SLC2A9: variants seen among roughly 807,000 people sequenced by gnomAD.
The protein encoded by SLC2A9 is solute carrier family 2, facilitated glucose transporter member 9.
A neutral mutation model predicts 50.6 loss-of-function variants in SLC2A9; 39 were observed. The ratio of observed to expected loss-of-function variants is 0.77; its 90% CI spans 0.60 to 1.01. The LOEUF is 1.01. SLC2A9 is among the 50% of genes least tolerant of loss of function. The pLI is 0.00. For synonymous variants in SLC2A9, 324 were observed against 276.9 expected (o/e 1.17, Z -1.69); for missense variants, 686 against 677.6 (o/e 1.01, Z -0.14).
intron 3 of SLC2A9, among the ~76,000 whole-genome samples, chr4:9,993,161 C>T (rs185651480): frequency 5.9e-5 from 9 of 152,318 alleles, no homozygotes; most frequent in South Asian, 2.1e-4. Context: ...AATATGGTTA[C>T]GTGGCTTGTC....
intron 7 of SLC2A9, among the ~76,000 whole-genome samples, chr4:9,910,752 T>C (rs1741595313): frequency 6.6e-6 from 1 of 152,126 alleles, no homozygotes; most frequent in African/African-American, 2.4e-5. Flanking sequence ...ATTCTCCCCA[T>C]AGAGACACTG....
At chr4:9,824,703 G>A (rs1187836854), downstream of SLC2A9, among the ~76,000 whole-genome samples, 1 of 152,182 alleles carries the variant, frequency 6.6e-6, no homozygotes, top group Non-Finnish European at 1.5e-5. Flanking sequence ...TCTTTAGTAT[G>A]TAGCTAGTGC....
chr4:9,942,144 T>C, intron 5 of SLC2A9, 99 bp from the exon 6 acceptor site: 1 of 1,438,578 alleles, frequency 7.0e-7, no homozygotes, highest in Non-Finnish European at 9.7e-7. Flanking sequence ...CAGAAGGTCT[T>C]CCTGCCCAGC....
intron 10 of SLC2A9, chr4:9,880,353 C>T: frequency 1.0e-6 from 1 of 985,574 alleles, no homozygotes; most frequent in Non-Finnish European, 1.2e-6. Context: ...AAGCGGAGGG[C>T]AGGGGCTGAC....
At chr4:9,825,344 T>C (rs1018062451), downstream of SLC2A9, among the ~76,000 whole-genome samples, 10 of 152,304 alleles carry the variant, frequency 6.6e-5, no homozygotes, top group Admixed American at 6.5e-4. Flanking sequence ...ACAGATTTTC[T>C]TAGCAACAGT....
chr4:9,913,330 T>TGTGTGAGA (rs1491090035), intron 7 of SLC2A9, among the ~76,000 whole-genome samples: 4 of 88,810 alleles, frequency 4.5e-5, no homozygotes, highest in South Asian at 3.4e-4. Context: ...TGTGTGTGTG[T>TGTGTGAGA]GAGAGAGAGA....
chr4:9,996,822 C>T lies in SLC2A9; in HGVS notation c.369G>A (p.Val123=). Residue 123 remains valine, a synonymous_variant, in exon 3 of 12, where the codon GTG becomes GTA. Transcript: ENST00000264784. The stretch of plus-strand genomic sequence containing the variant: ...CAATCATCTTCACAATTAACGTCCC[C>T]ACAAGTCCACCGATGGCGAATATGG... The part of the protein sequence containing the change: ...TVSIFAIGGL[V]GTLIVKMIGK... 1 of 1,614,116 alleles carries T rather than the reference C, an allele frequency of 6.2e-7. No individual in the cohort carries two copies.
chr4:9,791,187 C>G (rs189941972), intron 3 of SLC2A9, among the ~76,000 whole-genome samples: 3 of 151,908 alleles, frequency 2.0e-5, no homozygotes, highest in Non-Finnish European at 2.9e-5. Flanking sequence ...AATGGGAATG[C>G]AAAATAAATA....
chr4:10,019,131 G>T (rs1020290036), intron 1 of SLC2A9, 58 bp from the exon 2 acceptor site: 23 of 1,408,412 alleles, frequency 1.6e-5, no homozygotes, highest in Non-Finnish European at 2.3e-5. Context: ...AGGGCCGAGG[G>T]AAGACCTGGA....
intron 5 of SLC2A9, among the ~76,000 whole-genome samples, chr4:9,963,849 T>C (rs1428716664): frequency 6.6e-6 from 1 of 152,218 alleles, no homozygotes; most frequent in Admixed American, 6.5e-5. Context: ...ATGAAGATTC[T>C]TGGGGAACCA....
chr4:9,930,574 G>A lies in SLC2A9; in HGVS notation c.815-10002C>T, dbSNP rs1745726154. 2.0e-5 allele frequency among the ~76,000 whole-genome samples: 3 copies of A among 152,342 alleles called. No homozygotes were observed. In the South Asian group the frequency reaches 6.2e-4, roughly 32 times the overall value. ...GGCAGATGCTTCATGGAAGAGGTTG[G>A]TTTTCCTCTGGGTCTAGAATGCAGA... On this transcript the variant is annotated intron_variant, in intron 6 of 11. Coordinates refer to ENST00000264784, the MANE Select transcript of SLC2A9 (RefSeq NM_020041.3).
At position 9,934,728 on chromosome 4, in the gene SLC2A9, C is replaced by T. The variant is rs191520020; in HGVS notation, c.814+7185G>A. ...TTACATAAATAAACATCTGCCATGG[C>T]GGTTTGCTGTACCTATCAACCTGTC... On this transcript the variant is annotated intron_variant, in intron 6 of 11. Coordinates refer to ENST00000264784, the MANE Select transcript of SLC2A9 (RefSeq NM_020041.3). Among the ~76,000 whole-genome samples the T allele has an allele frequency of 2.0e-3, 308 of 152,282 alleles. 2 individuals carry two copies. The highest frequency in any genetic ancestry group is 5.6e-3 in the South Asian group (27 of 4,830).
intron 10 of SLC2A9, among the ~76,000 whole-genome samples, chr4:9,885,836 G>A (rs531996304): frequency 2.5e-4 from 38 of 152,304 alleles, no homozygotes; most frequent in African/African-American, 7.2e-4. Context: ...TCATTTACTC[G>A]TTATCTATGG....
chr4:9,787,378 G>A (rs1428000221), intron 3 of SLC2A9, among the ~76,000 whole-genome samples: 1 of 152,164 alleles, frequency 6.6e-6, no homozygotes, highest in Non-Finnish European at 1.5e-5. Context: ...TTCTCACATA[G>A]TTTCAGACTT....
chr4:9,779,414 A>C (rs1443829205), downstream of SLC2A9, among the ~76,000 whole-genome samples: 5 of 150,846 alleles, frequency 3.3e-5, no homozygotes, highest in Non-Finnish European at 7.4e-5. Flanking sequence ...CTAGACTTTA[A>C]ACTTTTTTTT....
intron 5 of SLC2A9, among the ~76,000 whole-genome samples, chr4:9,960,283 G>C (rs570868336): frequency 6.6e-6 from 1 of 152,320 alleles, no homozygotes; most frequent in South Asian, 2.1e-4. Flanking sequence ...ATGCAAAATA[G>C]GCCTTTCTGC....
chr4:9,894,706 G>A (rs1577745701), intron 8 of SLC2A9, among the ~76,000 whole-genome samples: 2 of 152,200 alleles, frequency 1.3e-5, no homozygotes, highest in African/African-American at 2.4e-5. Flanking sequence ...CAAAAGTTAA[G>A]CTGTTGCTGA....
At chr4:9,793,348 A>G (rs1475983732) in intron 3 of SLC2A9, among the ~76,000 whole-genome samples, 3 of 152,076 alleles carry the variant, frequency 2.0e-5, no homozygotes, top group Non-Finnish European at 4.4e-5. Flanking sequence ...AGGTCTCCCA[A>G]CTCCCAGTTG....
intron 5 of SLC2A9, among the ~76,000 whole-genome samples, chr4:9,965,173 G>A (rs181435538): frequency 6.6e-6 from 1 of 152,196 alleles, no homozygotes; most frequent in Non-Finnish European, 1.5e-5. Flanking sequence ...GGCTTGGAGA[G>A]GTTAGCAACT....
Sources: gnomAD v4.1 joint callset for allele counts (sites outside exome capture counted in the v4.1 genomes callset) on GRCh38, gnomAD v4.1.1 for gene constraint, MANE v1.5 for transcripts, NCBI Gene and HGNC (gene_info 2026-07-23, HGNC 2026-07-21) for gene names.